Variants in CCR3 observed in about 807,000 individuals in gnomAD.
The protein encoded by CCR3 is C-C motif chemokine receptor 3.
For synonymous variants in CCR3, 203 were observed against 179.2 expected, an observed-to-expected ratio of 1.13 and a Z score of -1.06; for missense variants, 419 against 437.5, an observed-to-expected ratio of 0.96 and a Z score of 0.38.
At chr3:46,256,797 A>T (rs998290332) in intron 1 of CCR3, among the ~76,000 whole-genome samples, 12 of 152,242 alleles carry the variant, frequency 7.9e-5, no homozygotes, top group Middle Eastern at 6.8e-3. Context: ...GGACATCCTA[A>T]TTCTTTGGAT....
chr3:46,244,149 G>A, intron 1 of CCR3, among the ~76,000 whole-genome samples: 1 of 152,242 alleles, frequency 6.6e-6, no homozygotes, highest in East Asian at 1.9e-4. Flanking sequence ...ATTTTAAAAT[G>A]CACACAAATA....
chr3:46,249,548 C>T (rs1454172926), intron 1 of CCR3, among the ~76,000 whole-genome samples: 3 of 152,112 alleles, frequency 2.0e-5, no homozygotes, highest in South Asian at 2.1e-4. Context: ...ATGGGGCTTC[C>T]GAGGCGATCA....
At chr3:46,220,675 A>G (rs1281159854) in intron 2 of CCR3, among the ~76,000 whole-genome samples, 7 of 152,256 alleles carry the variant, frequency 4.6e-5, no homozygotes, top group African/African-American at 9.6e-5. Context: ...CTCAGCCACA[A>G]AAAGGAACAA....
rs200162546 is a variant in CCR3, at chr3:46,265,623, C to A, written c.465C>A (p.Ile155=). ...TCACTTTTGGTGTCATCACCAGCAT[C>A]GTCACCTGGGGCCTGGCAGTGCTAG... ...RTVTFGVITS[I]VTWGLAVLAA... Residue 155 remains isoleucine (I), a synonymous_variant, in exon 2 of 2, where the codon ATC becomes ATA. Transcript: ENST00000395940. 4.2e-5 allele frequency: 67 copies of A among 1,614,164 alleles called. No individual in the cohort carries two copies. The South Asian group carries it at 6.5e-4, about 16-fold the overall frequency.
chr3:46,229,671 G>A (rs570957545), intron 2 of CCR3, among the ~76,000 whole-genome samples: 39 of 152,274 alleles, frequency 2.6e-4, no homozygotes, highest in African/African-American at 9.1e-4. Context: ...GTGTACAGCT[G>A]TCAAGATTCC....
At chr3:46,219,502 C>T (rs1699811149) in intron 2 of CCR3, among the ~76,000 whole-genome samples, 1 of 151,990 alleles carries the variant, frequency 6.6e-6, no homozygotes, top group Admixed American at 6.6e-5. Context: ...TCATATGGAA[C>T]CAAAAAAGAG....
At chr3:46,258,889 T>C (rs1253948120) in intron 1 of CCR3, among the ~76,000 whole-genome samples, 2 of 152,202 alleles carry the variant, frequency 1.3e-5, no homozygotes, top group Non-Finnish European at 2.9e-5. Flanking sequence ...AGCCAATCAA[T>C]TGTGCTTCCC....
intron 1 of CCR3, among the ~76,000 whole-genome samples, chr3:46,260,558 C>A (rs944498795): frequency 2.0e-5 from 3 of 152,196 alleles, no homozygotes; most frequent in African/African-American, 7.2e-5. Context: ...GGCAGTCAAA[C>A]CTTAAAGCTC....
At chr3:46,231,752 T>C (rs539789331) in intron 2 of CCR3, among the ~76,000 whole-genome samples, 94 of 152,334 alleles carry the variant, frequency 6.2e-4, no homozygotes, top group African/African-American at 2.2e-3. Context: ...GTTGTATAGA[T>C]TAAATATGCA....
chr3:46,264,750 T>C (rs928668818), intron 1 of CCR3: 15 of 393,598 alleles, frequency 3.8e-5, no homozygotes. Flanking sequence ...TTAAGGTATA[T>C]GTAAACTGTA....
At position 46,265,647 on chromosome 3, in the gene CCR3, A is replaced by G; in HGVS notation, c.489A>G (p.Leu163=). The G allele has an allele frequency of 1.2e-6, 2 of 1,614,092 alleles. No individual in the cohort carries two copies. The highest frequency in any genetic ancestry group is 1.7e-6 in the Non-Finnish European group (2 of 1,179,970). ...TSIVTWGLAV[L]AALPEFIFYE... ...TCGTCACCTGGGGCCTGGCAGTGCT[A>G]GCAGCTCTTCCTGAATTTATCTTCT... Residue 163 remains leucine, a synonymous_variant, in exon 2 of 2, where the codon CTA becomes CTG. Coordinates refer to ENST00000395940, the MANE Select transcript of CCR3 (RefSeq NM_178329.3).
intron 1 of CCR3, among the ~76,000 whole-genome samples, chr3:46,252,012 T>C (rs552721312): frequency 1.3e-5 from 2 of 152,246 alleles, no homozygotes; most frequent in East Asian, 3.9e-4. Flanking sequence ...TCTGGGCATA[T>C]ATGTGCAAGT....
intron 2 of CCR3, among the ~76,000 whole-genome samples, chr3:46,237,179 G>A (rs6802288): frequency 0.26 from 39,924 of 152,086 alleles, 5,572 homozygotes; most frequent in Middle Eastern, 0.41. Context: ...CAGTAAACAC[G>A]GTGGTGCAGT....
intron 1 of CCR3, among the ~76,000 whole-genome samples, chr3:46,259,200 C>T (rs943498830): frequency 1.3e-5 from 2 of 152,172 alleles, no homozygotes; most frequent in South Asian, 4.1e-4. Flanking sequence ...AGAAACAACC[C>T]TAGTTCAAAA....
intron 2 of CCR3, among the ~76,000 whole-genome samples, chr3:46,220,141 G>C (rs1054281341): frequency 6.6e-6 from 1 of 152,050 alleles, no homozygotes; most frequent in Admixed American, 6.5e-5. Flanking sequence ...AAATCAGCAA[G>C]AAAAGAACAA....
chr3:46,224,871 T>C (rs1321241266), intron 2 of CCR3, among the ~76,000 whole-genome samples: 1 of 152,028 alleles, frequency 6.6e-6, no homozygotes, highest in Non-Finnish European at 1.5e-5. Context: ...GTACAACCAC[T>C]TGAAAAATTG....
intron 2 of CCR3, among the ~76,000 whole-genome samples, chr3:46,222,694 A>T (rs1404177167): frequency 3.3e-5 from 5 of 152,196 alleles, no homozygotes; most frequent in African/African-American, 1.2e-4. Flanking sequence ...CAGCCCTCAG[A>T]TGCCAGCCAT....
At chr3:46,229,431 G>A (rs1356544047) in intron 2 of CCR3, among the ~76,000 whole-genome samples, 1 of 152,146 alleles carries the variant, frequency 6.6e-6, no homozygotes, top group Non-Finnish European at 1.5e-5. Flanking sequence ...GTACCTTGAA[G>A]TGGGATGCTG....
chr3:46,250,635 T>C (rs1054624278), intron 1 of CCR3, among the ~76,000 whole-genome samples: 3 of 152,132 alleles, frequency 2.0e-5, no homozygotes, highest in African/African-American at 7.2e-5. Flanking sequence ...AGCCAAGCAG[T>C]GTTGCAGAAG....
Sources: gnomAD v4.1 joint callset for allele counts (sites outside exome capture counted in the v4.1 genomes callset) on GRCh38, gnomAD v4.1.1 for gene constraint, MANE v1.5 for transcripts, NCBI Gene and HGNC (gene_info 2026-07-23, HGNC 2026-07-21) for gene names.